Variants in CADM2 observed in about 807,000 individuals in gnomAD.
CADM2 encodes immunoglobulin superfamily member 4D.
A neutral mutation model predicts 49.8 loss-of-function variants in CADM2; 12 were observed. That is an observed-to-expected ratio of 0.24 (90% CI 0.15 to 0.39). The LOEUF (loss-of-function observed/expected upper bound fraction) is 0.39. CADM2 is among the 10% of genes least tolerant of loss of function. The probability of loss-of-function intolerance (pLI) is 1.00; values close to 1 mark genes in which losing one functional copy is unlikely to be tolerated. For synonymous variants in CADM2, 214 were observed against 175.4 expected (o/e 1.22, Z -1.74); for missense variants, 378 against 492.3 (o/e 0.77, Z 2.20).
chr3:85,109,079 T>C (rs774973361), intron 1 of CADM2, among the ~76,000 whole-genome samples: 24 of 152,124 alleles, frequency 1.6e-4, no homozygotes, highest in Non-Finnish European at 3.4e-4. Flanking sequence ...TTTGATGAAA[T>C]AATGTGCTAG....
chr3:85,990,353 C>T (rs1285460746), intron 8 of CADM2, among the ~76,000 whole-genome samples: 1 of 152,090 alleles, frequency 6.6e-6, no homozygotes, highest in African/African-American at 2.4e-5. Flanking sequence ...GAAAATGTTT[C>T]AGGTAGGCTA....
intron 1 of CADM2, among the ~76,000 whole-genome samples, chr3:85,257,835 T>C (rs1204351078): frequency 6.6e-6 from 1 of 152,120 alleles, no homozygotes; most frequent in Non-Finnish European, 1.5e-5. Flanking sequence ...AAATATGTAG[T>C]TTCATAGTGA....
chr3:85,442,586 GAGTA>G, intron 1 of CADM2, among the ~76,000 whole-genome samples: 1 of 97,172 alleles, frequency 1.0e-5, no homozygotes, highest in African/African-American at 4.7e-5. Context: ...GCTTATATAT[GAGTA>G]TATATATATA....
intron 5 of CADM2, among the ~76,000 whole-genome samples, chr3:85,892,821 G>A (rs901197803): frequency 2.0e-5 from 3 of 152,308 alleles, no homozygotes; most frequent in Middle Eastern, 3.4e-3. Flanking sequence ...GATAGGGACA[G>A]TTTGGAGGTA....
chr3:85,041,532 CTT>C (rs2035441464), intron 1 of CADM2, among the ~76,000 whole-genome samples: 1 of 152,150 alleles, frequency 6.6e-6, no homozygotes, highest in Non-Finnish European at 1.5e-5. Flanking sequence ...AATCGTATGA[CTT>C]TTCCACCTTT....
At chr3:85,006,813 AT>A (rs1220964527) in intron 1 of CADM2, among the ~76,000 whole-genome samples, 5 of 152,180 alleles carry the variant, frequency 3.3e-5, no homozygotes, top group South Asian at 2.1e-4. Context: ...TATAAAAAAA[AT>A]CACCCATGCC....
intron 1 of CADM2, among the ~76,000 whole-genome samples, chr3:85,485,548 T>C (rs558299129): frequency 2.0e-5 from 3 of 152,210 alleles, no homozygotes; most frequent in East Asian, 3.9e-4. Flanking sequence ...TCTGCCACAG[T>C]TATTTGAGTA....
Position 85,539,812 on chromosome 3 carries a change from A to T in CADM2, c.62-186710A>T, listed in dbSNP as rs17457426. 6.6e-5 allele frequency among the ~76,000 whole-genome samples: 10 copies of T among 151,870 alleles called. No individual in the cohort carries two copies. The East Asian group carries it at 7.7e-4, about 12-fold the overall frequency. ...AACATAGGGGAAATGGACAAGGTGA[A>T]GCTGAATAAATGGACAGTGGTGTCG... On this transcript the variant is annotated intron_variant, in intron 1 of 9. Coordinates refer to ENST00000383699, the MANE Select transcript of CADM2 (RefSeq NM_001167675.2).
intron 2 of CADM2, among the ~76,000 whole-genome samples, chr3:85,768,034 A>G (rs921212149): frequency 2.6e-5 from 4 of 152,112 alleles, no homozygotes; most frequent in Non-Finnish European, 5.9e-5. Flanking sequence ...GTATCTTTTT[A>G]AGTTCTTCTT....
At chr3:85,681,499 G>A (rs1175071734) in intron 1 of CADM2, among the ~76,000 whole-genome samples, 1 of 151,944 alleles carries the variant, frequency 6.6e-6, no homozygotes, top group Non-Finnish European at 1.5e-5. Context: ...TAAATATGCA[G>A]GCTTCTCTAA....
rs371128660 is a variant in CADM2 at position 85,995,257 on chromosome 3, C to G, written c.970+33610C>G. 2.0e-5 allele frequency among the ~76,000 whole-genome samples: 3 copies of G among 152,046 alleles called. No homozygotes were observed. In the East Asian group the frequency reaches 5.8e-4, roughly 29 times the overall value. On this transcript the variant is annotated intron_variant, in intron 8 of 9. Transcript: ENST00000383699. ...CAATAATGTGTTATTTAATACATGA[C>G]ACAATATACAGATTTTGGAATGTTC...
chr3:85,731,124 A>G (rs1318035155), intron 2 of CADM2, among the ~76,000 whole-genome samples: 1 of 152,142 alleles, frequency 6.6e-6, no homozygotes, highest in Non-Finnish European at 1.5e-5. Flanking sequence ...AATATTATAA[A>G]TCTGCTATAA....
chr3:85,213,106 G>T (rs959084465), intron 1 of CADM2, among the ~76,000 whole-genome samples: 4 of 151,734 alleles, frequency 2.6e-5, no homozygotes, highest in African/African-American at 7.3e-5. Context: ...TAGTCTCAAA[G>T]TACTGACCTC....
At chr3:85,181,554 A>G (rs2040934914) in intron 1 of CADM2, among the ~76,000 whole-genome samples, 1 of 152,104 alleles carries the variant, frequency 6.6e-6, no homozygotes, top group Non-Finnish European at 1.5e-5. Flanking sequence ...TTGAGAATTG[A>G]ATATCAAGGT....
intron 1 of CADM2, among the ~76,000 whole-genome samples, chr3:85,251,042 T>C (rs2042760831): frequency 6.6e-6 from 1 of 151,796 alleles, no homozygotes; most frequent in Non-Finnish European, 1.5e-5. Context: ...AGATTGAAGT[T>C]TTGGCATTTA....
chr3:85,402,991 T>G (rs1406817793), intron 1 of CADM2, among the ~76,000 whole-genome samples: 1 of 152,172 alleles, frequency 6.6e-6, no homozygotes, highest in Non-Finnish European at 1.5e-5. Flanking sequence ...AACCGTATTT[T>G]CAGCATCATT....
chr3:85,971,016 T>C (rs891139793), intron 8 of CADM2, among the ~76,000 whole-genome samples: 1 of 151,638 alleles, frequency 6.6e-6, no homozygotes, highest in Non-Finnish European at 1.5e-5. Flanking sequence ...AAGGATATTA[T>C]ATTTAAGTAT....
At chr3:85,109,940 G>A (rs2038389116) in intron 1 of CADM2, among the ~76,000 whole-genome samples, 1 of 151,782 alleles carries the variant, frequency 6.6e-6, no homozygotes, top group African/African-American at 2.4e-5. Context: ...GTATCAAAAC[G>A]CTTGTCAAAG....
intron 1 of CADM2, among the ~76,000 whole-genome samples, chr3:85,559,000 T>C (rs2062025771): frequency 6.6e-6 from 1 of 152,242 alleles, no homozygotes; most frequent in Non-Finnish European, 1.5e-5. Context: ...TTTGATTATA[T>C]GAGAGTTAGA....
Sources: gnomAD v4.1 joint callset for allele counts (sites outside exome capture counted in the v4.1 genomes callset) on GRCh38, gnomAD v4.1.1 for gene constraint, MANE v1.5 for transcripts, NCBI Gene and HGNC (gene_info 2026-07-23, HGNC 2026-07-21) for gene names.